SLC15A1: variants seen among roughly 807,000 people sequenced by gnomAD.
SLC15A1 encodes the protein solute carrier family 15 member 1, also known as Caco-2 oligopeptide transporter.
SLC15A1 carries 83 observed loss-of-function variants against 92.9 expected under a neutral mutation model. That is an observed-to-expected ratio of 0.89 (90% confidence interval 0.75 to 1.07). SLC15A1 has a LOEUF of 1.07. SLC15A1 is among the 50% of genes least tolerant of loss of function. The probability of loss-of-function intolerance (pLI) is 0.00; values close to 1 mark genes in which losing one functional copy is unlikely to be tolerated. For missense variants in SLC15A1, 857 were observed against 880.1 expected, an observed-to-expected ratio of 0.97 and a Z score of 0.33; for synonymous variants, 322 against 318.2, an observed-to-expected ratio of 1.01 and a Z score of -0.13.
At chr13:98,737,339 G>C (rs967620142) in intron 1 of SLC15A1, among the ~76,000 whole-genome samples, 1 of 152,174 alleles carries the variant, frequency 6.6e-6, no homozygotes, top group Non-Finnish European at 1.5e-5. Flanking sequence ...ACTGGGGCCT[G>C]TCATGGAGTG....
chr13:98,725,200 G>A (rs1217895819), intron 4 of SLC15A1, among the ~76,000 whole-genome samples: 1 of 152,188 alleles, frequency 6.6e-6, no homozygotes, highest in Non-Finnish European at 1.5e-5. Context: ...TGGTCTTCCA[G>A]CCAGCAGAAT....
intron 1 of SLC15A1, among the ~76,000 whole-genome samples, chr13:98,751,510 C>T (rs1316057453): frequency 1.3e-5 from 2 of 152,334 alleles, no homozygotes; most frequent in East Asian, 3.9e-4. Flanking sequence ...GAGGGCGGGA[C>T]CCAGAACTGC....
chr13:98,707,133 A>G, intron 15 of SLC15A1, among the ~76,000 whole-genome samples: 1 of 152,192 alleles, frequency 6.6e-6, no homozygotes. Context: ...GAAGCAAGCC[A>G]TGTCCACCTT....
chr13:98,738,155 G>A (rs1287331016), intron 1 of SLC15A1, among the ~76,000 whole-genome samples: 2 of 152,218 alleles, frequency 1.3e-5, no homozygotes, highest in African/African-American at 4.8e-5. Flanking sequence ...TATGCTCATA[G>A]GTGGGAGCAA....
In SLC15A1 at chr13:98,730,603, G is replaced by T. The variant is rs2088342949; in HGVS notation, c.5-3744C>A. On this transcript the variant is annotated intron_variant, in intron 1 of 22. Transcript: ENST00000376503. ...GCCAGCCGAACAACCAAATGAGGAT[G>T]ACCTCCGCCCTGCGGGGTTGCTGGA... Among the ~76,000 whole-genome samples, 2 of 152,202 alleles carry T rather than the reference G, an allele frequency of 1.3e-5. 1 individual carries two copies. Among genetic ancestry groups the T allele is most frequent in the South Asian group, 4.1e-4 (2 of 4,824 alleles).
Position 98,686,546 on chromosome 13 carries a change from C to T in SLC15A1, c.1828-249G>A, listed in dbSNP as rs914401638. Among the ~76,000 whole-genome samples the T allele has an allele frequency of 3.9e-5, 6 of 152,190 alleles. 1 individual carries two copies. Among genetic ancestry groups the T allele is most frequent in the African/African-American group, 1.2e-4 (5 of 41,448 alleles). On this transcript the variant is annotated intron_variant, in intron 21 of 22. Coordinates refer to ENST00000376503, the MANE Select transcript of SLC15A1 (RefSeq NM_005073.4). ...AGCTGTCCCCTTAGTTAAATGGACA[C>T]ATCTACGGAGGAGCTGATCCTATTT...
intron 8 of SLC15A1, 97 bp from the exon 9 acceptor site, chr13:98,716,057 G>T (rs1342232959): frequency 3.1e-6 from 3 of 982,856 alleles, no homozygotes; most frequent in Non-Finnish European, 4.9e-6. Flanking sequence ...ACTTTGTTTT[G>T]GGATAATGGG....
chr13:98,737,863 G>A (rs1355569989), intron 1 of SLC15A1, among the ~76,000 whole-genome samples: 1 of 152,200 alleles, frequency 6.6e-6, no homozygotes, highest in East Asian at 1.9e-4. Context: ...GGAAAGTTTG[G>A]AACTTCTTAG....
At chr13:98,721,691 C>T (rs895223165) in intron 6 of SLC15A1, 106 bp from the exon 7 acceptor site, 2 of 1,304,184 alleles carry the variant, frequency 1.5e-6, no homozygotes, top group South Asian at 1.4e-5. Flanking sequence ...TGGTATCTTA[C>T]TTTCTAATGT....
At chr13:98,732,064 C>T (rs2088354664) in intron 1 of SLC15A1, among the ~76,000 whole-genome samples, 1 of 152,226 alleles carries the variant, frequency 6.6e-6, no homozygotes, top group African/African-American at 2.4e-5. Flanking sequence ...CCTGTGTCAA[C>T]AGGATTGCTA....
At chr13:98,708,627 C>T (rs2088134365) in intron 15 of SLC15A1, 59 bp downstream of exon 15, 1 of 1,444,608 alleles carries the variant, frequency 6.9e-7, no homozygotes, top group Admixed American at 1.9e-5. Context: ...AAAGAAGATT[C>T]TGAACGCTCC....
intron 11 of SLC15A1, among the ~76,000 whole-genome samples, chr13:98,711,258 A>G (rs934677716): frequency 6.6e-5 from 10 of 152,260 alleles, no homozygotes; most frequent in Middle Eastern, 3.4e-3. Flanking sequence ...ACACTTTCCA[A>G]TTGCTTTGGT....
intron 1 of SLC15A1, among the ~76,000 whole-genome samples, chr13:98,750,327 G>T (rs1310185110): frequency 1.3e-5 from 2 of 152,132 alleles, no homozygotes; most frequent in Non-Finnish European, 1.5e-5. Context: ...TGGCCAGGAT[G>T]ATCTTGATCT....
chr13:98,725,376 G>A (rs889512191), intron 4 of SLC15A1, among the ~76,000 whole-genome samples: 3 of 152,138 alleles, frequency 2.0e-5, no homozygotes, highest in Non-Finnish European at 4.4e-5. Flanking sequence ...ACATCCCACT[G>A]GGTGTGCTCG....
chr13:98,746,089 A>G (rs1031626736), intron 1 of SLC15A1, among the ~76,000 whole-genome samples: 24 of 152,054 alleles, frequency 1.6e-4, no homozygotes, highest in South Asian at 1.2e-3. Flanking sequence ...TTGTGTTCTC[A>G]TCATTTCGCT....
At chr13:98,724,867 A>G (rs2088286499) in intron 4 of SLC15A1, among the ~76,000 whole-genome samples, 1 of 152,174 alleles carries the variant, frequency 6.6e-6, no homozygotes, top group Non-Finnish European at 1.5e-5. Context: ...AATTCTTTAG[A>G]GGTAGTGATT....
intron 18 of SLC15A1, among the ~76,000 whole-genome samples, chr13:98,689,831 A>G (rs1310023604): frequency 6.6e-6 from 1 of 152,174 alleles, no homozygotes; most frequent in East Asian, 1.9e-4. Context: ...TCCTGCTGGA[A>G]TACAGCTTTG....
chr13:98,734,892 G>T (rs879334967), intron 1 of SLC15A1, among the ~76,000 whole-genome samples: 2 of 152,050 alleles, frequency 1.3e-5, no homozygotes, highest in Non-Finnish European at 2.9e-5. Flanking sequence ...ATTCACAGCC[G>T]AATTTAAAGG....
rs554845417 is a variant in SLC15A1 at position 98,684,995 on chromosome 13, G to A, written c.1936-80C>T. The stretch of plus-strand genomic sequence containing the variant: ...ACTGATGAATATATGGTGCGTACAT[G>A]TTCTTGCTACATGCAGATGGAGAGT... On this transcript the variant is annotated intron_variant, in intron 22 of 22. Coordinates refer to ENST00000376503, the MANE Select transcript of SLC15A1 (RefSeq NM_005073.4). 4.7e-5 allele frequency: 59 copies of A among 1,251,636 alleles called. No individual in the cohort carries two copies. The East Asian group carries it at 1.4e-3, about 30-fold the overall frequency. 77.5% of individuals were successfully genotyped at this position (1,251,636 alleles called of 1,614,324 possible).
Sources: allele counts gnomAD v4.1 joint callset (sites outside exome capture counted in the v4.1 genomes callset), GRCh38; gene constraint gnomAD v4.1.1; transcripts MANE v1.5; gene names NCBI Gene and HGNC (gene_info 2026-07-23, HGNC 2026-07-21).